Variants in NYAP2 observed in about 807,000 individuals in gnomAD.
NYAP2 encodes the protein neuronal tyrosine-phosphorylated phosphoinositide-3-kinase adaptor 2.
NYAP2 carries 23 observed loss-of-function variants against 50.4 expected under a neutral mutation model. The ratio of observed to expected loss-of-function variants is 0.46; its 90% CI spans 0.33 to 0.65. NYAP2 has a LOEUF of 0.65. Ranked by LOEUF, NYAP2 falls within the 30% of genes least tolerant of loss-of-function variation. The pLI, the probability that NYAP2 is intolerant of heterozygous loss-of-function variation, is 0.02. For synonymous variants in NYAP2, 394 were observed against 365.2 expected, an observed-to-expected ratio of 1.08 and a Z score of -0.90; for missense variants, 885 against 861.0, an observed-to-expected ratio of 1.03 and a Z score of -0.35.
chr2:225,494,252 CTA>C (rs760343640), intron 3 of NYAP2, among the ~76,000 whole-genome samples: 2 of 152,194 alleles, frequency 1.3e-5, no homozygotes, highest in Non-Finnish European at 2.9e-5. Context: ...TACTCAATGA[CTA>C]TGTCTCCCCA....
At chr2:225,483,155 T>C (rs897861344) in intron 3 of NYAP2, among the ~76,000 whole-genome samples, 1 of 152,206 alleles carries the variant, frequency 6.6e-6, no homozygotes, top group Non-Finnish European at 1.5e-5. Context: ...CACTGTATCA[T>C]ATACTTAAAT....
chr2:225,435,439 G>T (rs1435703500), intron 3 of NYAP2, among the ~76,000 whole-genome samples: 2 of 152,134 alleles, frequency 1.3e-5, no homozygotes, highest in African/African-American at 4.8e-5. Flanking sequence ...ATCAGTTAAA[G>T]ACTTCAAAAG....
intron 3 of NYAP2, among the ~76,000 whole-genome samples, chr2:225,495,248 T>C (rs1221700756): frequency 6.6e-6 from 1 of 152,124 alleles, no homozygotes; most frequent in East Asian, 1.9e-4. Flanking sequence ...AACTTAACAC[T>C]ATGAAGTGAA....
intron 3 of NYAP2, among the ~76,000 whole-genome samples, chr2:225,449,261 G>T (rs1299842278): frequency 6.6e-6 from 1 of 152,118 alleles, no homozygotes; most frequent in East Asian, 1.9e-4. Flanking sequence ...CTATATAATA[G>T]GGTAATAGTA....
At chr2:225,446,216 G>GTCTGTCTGTC (rs1422980177) in intron 3 of NYAP2, among the ~76,000 whole-genome samples, 25 of 69,636 alleles carry the variant, frequency 3.6e-4, no homozygotes, top group African/African-American at 7.9e-4. Context: ...CTGTCTGTCT[G>GTCTGTCTGTC]TCTCTCTCTC....
Position 225,583,042 on chromosome 2 carries a change from G to A in NYAP2, c.1618+7G>A, listed in dbSNP as rs1692327109. 5 of 1,607,396 alleles carry A rather than the reference G, an allele frequency of 3.1e-6. No individual in the cohort carries two copies. The highest frequency in any genetic ancestry group is 2.2e-5 in the East Asian group (1 of 44,770). On this transcript the variant is annotated splice_region_variant and intron_variant, in intron 5 of 6. Transcript: ENST00000636099. ...TCCAAAGAGCCTGCAGAGAGTAAGT[G>A]TGCAGGGCCTGCCTGAGCCCCAGAG... is the stretch of plus-strand genomic sequence containing the variant.
At chr2:225,679,496 T>TG in the NYAP2 span, among the ~76,000 whole-genome samples, 9 of 140,108 alleles carry the variant, frequency 6.4e-5, no homozygotes, top group East Asian at 1.6e-3. Flanking sequence ...TCTAATTGTT[T>TG]TTTTTTTTTT....
At position 225,582,584 on chromosome 2, in the gene NYAP2, C is replaced by A. The variant is rs777853612; in HGVS notation, c.1167C>A (p.Gly389=). Reference sequence around the variant, plus strand: ...CCACGCTGCCGTCCCACGTCCCCGGCCATGCGAAACTGGAGAAAGAGCAGG... The same window carrying A: ...CCACGCTGCCGTCCCACGTCCCCGGACATGCGAAACTGGAGAAAGAGCAGG... Residue 389 remains glycine, a synonymous_variant, in exon 5 of 7, where the codon GGC becomes GGA. Coordinates refer to ENST00000636099, the Ensembl canonical transcript of NYAP2. The surrounding 1 kb of genome is among the most constrained non-coding windows in gnomAD (Gnocchi z 7.0). 1 of 1,598,446 alleles carries A rather than the reference C, an allele frequency of 6.3e-7. No homozygotes were observed.
At chr2:225,538,924 C>T (rs756962571) in intron 4 of NYAP2, among the ~76,000 whole-genome samples, 10 of 151,368 alleles carry the variant, frequency 6.6e-5, no homozygotes, top group Non-Finnish European at 1.3e-4. Flanking sequence ...TATACACGTG[C>T]CATGGTGACT....
chr2:225,684,886 G>A, the NYAP2 span, among the ~76,000 whole-genome samples: 1 of 152,106 alleles, frequency 6.6e-6, no homozygotes, highest in East Asian at 1.9e-4. Context: ...ACAACTGTGG[G>A]TGTGATATGT....
At chr2:225,630,012 A>G (rs1693280334) in intron 6 of NYAP2, among the ~76,000 whole-genome samples, 1 of 152,186 alleles carries the variant, frequency 6.6e-6, no homozygotes, top group Non-Finnish European at 1.5e-5. Flanking sequence ...GTAGATAAAT[A>G]ATATTTGCTT....
At chr2:225,461,894 C>A (rs1689840222) in intron 3 of NYAP2, among the ~76,000 whole-genome samples, 1 of 152,110 alleles carries the variant, frequency 6.6e-6, no homozygotes, top group South Asian at 2.1e-4. Context: ...AATTTATGTA[C>A]TTTTGTTTTA....
chr2:225,612,021 A>T (rs1450228019), intron 5 of NYAP2, among the ~76,000 whole-genome samples: 1 of 150,610 alleles, frequency 6.6e-6, no homozygotes, highest in Non-Finnish European at 1.5e-5. Context: ...GAAAAGTCAC[A>T]TTCTTTGTTT....
rs571658678 is a variant in NYAP2, at chr2:225,626,789, G to T, written c.1619-128G>T. On this transcript the variant is annotated intron_variant, in intron 5 of 6. Transcript: ENST00000636099. ...TATGTTTCTGTTATATTTAAATGTT[G>T]TAGTCTCCAAGTCTGAGTTTCCAAC... is the stretch of plus-strand genomic sequence containing the variant. 2.7e-4 allele frequency: 183 copies of T among 689,386 alleles called. No individual in the cohort carries two copies. In the African/African-American group the frequency reaches 3.1e-3, roughly 12 times the overall value. 42.7% of individuals were successfully genotyped at this position (689,386 alleles called of 1,614,324 possible).
intron 5 of NYAP2, among the ~76,000 whole-genome samples, chr2:225,610,986 C>T (rs778004849): frequency 9.9e-5 from 15 of 152,136 alleles, no homozygotes; most frequent in Non-Finnish European, 1.3e-4. Flanking sequence ...ATTTATGCCA[C>T]GTAGAATTTG....
intron 3 of NYAP2, among the ~76,000 whole-genome samples, chr2:225,488,661 C>T (rs1346805876): frequency 1.3e-5 from 2 of 152,202 alleles, no homozygotes; most frequent in African/African-American, 2.4e-5. Context: ...GCATAAGCCA[C>T]CATACCCAGC....
chr2:225,535,005 T>A (rs1286671541), intron 4 of NYAP2, among the ~76,000 whole-genome samples: 1 of 152,198 alleles, frequency 6.6e-6, no homozygotes, highest in Non-Finnish European at 1.5e-5. Context: ...TCTAGGGTGC[T>A]GGGGAAAACT....
intron 4 of NYAP2, among the ~76,000 whole-genome samples, chr2:225,517,652 A>G (rs1332987961): frequency 6.6e-6 from 1 of 152,202 alleles, no homozygotes; most frequent in East Asian, 1.9e-4. Context: ...GGTACAAAGA[A>G]GGTGCCGTAC....
chr2:225,452,204 G>A (rs1298117118), intron 3 of NYAP2, among the ~76,000 whole-genome samples: 3 of 152,160 alleles, frequency 2.0e-5, no homozygotes, highest in African/African-American at 7.2e-5. Context: ...CTTAGACTAA[G>A]TCCTTTAACT....
Sources: gnomAD v4.1 joint callset for allele counts (sites outside exome capture counted in the v4.1 genomes callset) on GRCh38, gnomAD v4.1.1 for gene constraint, Gnocchi (gnomAD v3.1) non-coding constraint, MANE v1.5 for transcripts, NCBI Gene and HGNC (gene_info 2026-07-23, HGNC 2026-07-21) for gene names.